AP2A2: variants seen among roughly 807,000 people sequenced by gnomAD.
AP2A2 encodes the protein adaptor related protein complex 2 subunit alpha 2.
In AP2A2, 32 loss-of-function variants were observed where a neutral mutation model predicts 104.2. The observed-to-expected ratio is 0.31, with a 90% CI of 0.23 to 0.41. AP2A2 has a LOEUF of 0.41. AP2A2 is among the 10% of genes least tolerant of loss of function. The pLI, the probability that AP2A2 is intolerant of heterozygous loss-of-function variation, is 1.00. For synonymous variants in AP2A2, 539 were observed against 533.3 expected (o/e 1.01, Z -0.15); for missense variants, 912 against 1,261.0 (o/e 0.72, Z 4.19).
In AP2A2 at chr11:970,311, C is replaced by T. The variant is rs759011265; in HGVS notation, c.279C>T (p.Ile93=). The change falls in exon 3 of 22, where the codon ATC becomes ATT. Residue 93 remains isoleucine (I), a splice_region_variant and synonymous_variant. Coordinates refer to ENST00000448903, the MANE Select transcript of AP2A2 (RefSeq NM_012305.4). The stretch of plus-strand genomic sequence containing the variant: ...CAAACAGATACACGGAAAAGCAGAT[C>T]GTGAGTATCGCTGCAGGTGGAGACG... ...LSSNRYTEKQ[I]GYLFISVLVN... 11 of 1,613,178 alleles carry T rather than the reference C, an allele frequency of 6.8e-6. No individual in the cohort carries two copies. Among genetic ancestry groups the T allele is most frequent in the South Asian group, 6.6e-5 (6 of 90,968 alleles).
intron 10 of AP2A2, among the ~76,000 whole-genome samples, chr11:991,715 G>A (rs1274810743): frequency 7.1e-6 from 1 of 141,020 alleles, no homozygotes; most frequent in Admixed American, 7.2e-5. Flanking sequence ...GGGTGGGGGG[G>A]CACAGTCACC....
rs1308851574 is a variant in AP2A2 at position 985,597 on chromosome 11, T to G, written c.962+15T>G. On this transcript the variant is annotated intron_variant, in intron 8 of 21. Transcript: ENST00000448903. ...CACCATGACAGGTGTGTCGGCTGCCTGTGGAGAGGCTTCGTCTCGCGCACA... is the reference window on the plus strand; with the variant it reads ...CACCATGACAGGTGTGTCGGCTGCCGGTGGAGAGGCTTCGTCTCGCGCACA... 1 of 1,613,842 alleles carries G rather than the reference T, an allele frequency of 6.2e-7. No homozygotes were observed. The highest frequency in any genetic ancestry group is 1.7e-5 in the Admixed American group (1 of 60,018).
At chr11:944,031 A>G (rs191201089) in intron 1 of AP2A2, among the ~76,000 whole-genome samples, 85 of 151,562 alleles carry the variant, frequency 5.6e-4, no homozygotes, top group Non-Finnish European at 1.1e-3. Flanking sequence ...TCCCGACCGG[A>G]GATGCAGGTG....
At position 967,728 on chromosome 11, in the gene AP2A2, C is replaced by T. The variant is rs560119550; in HGVS notation, c.137-2441C>T. Among the ~76,000 whole-genome samples, 3 of 152,140 alleles carry T rather than the reference C, an allele frequency of 2.0e-5. No homozygotes were observed. The South Asian group carries it at 6.2e-4, about 32-fold the overall frequency. On this transcript the variant is annotated intron_variant, in intron 2 of 21. Transcript: ENST00000448903. Reference sequence around the variant, plus strand: ...AGAGGTTAAGGAATACGTCTGAGACCACAAGACAAGCAAGTGGCTGCATCT... The same window carrying T: ...AGAGGTTAAGGAATACGTCTGAGACTACAAGACAAGCAAGTGGCTGCATCT...
chr11:978,005 T>G (rs1855108587), intron 5 of AP2A2, among the ~76,000 whole-genome samples: 1 of 152,168 alleles, frequency 6.6e-6, no homozygotes, highest in East Asian at 1.9e-4. Flanking sequence ...CCGTGGACCG[T>G]GGGAGGTCAT....
chr11:945,813 G>T (rs896366341), intron 1 of AP2A2, among the ~76,000 whole-genome samples: 1 of 152,166 alleles, frequency 6.6e-6, no homozygotes, highest in Non-Finnish European at 1.5e-5. Context: ...AAAAGGAAAA[G>T]AATGGTCATT....
rs1564798908 is a variant in AP2A2, at chr11:968,563, GGGA to G, written c.137-1597_137-1595del. On this transcript the variant is annotated intron_variant, in intron 2 of 21. Coordinates refer to ENST00000448903, the MANE Select transcript of AP2A2 (RefSeq NM_012305.4). This position sits in a 1 kb window ranked among gnomAD's most constrained non-coding sequence, Gnocchi z 4.2. The stretch of plus-strand genomic sequence containing the variant: ...TTTGAGTAACAGGGAAGTCTCCGGA[GGGA>G]GGAGGAGGTCAAGCAGTATTTTTGG... Among the ~76,000 whole-genome samples, 1 of 152,168 alleles carries G rather than the reference GGGA, an allele frequency of 6.6e-6. No homozygotes were observed. The highest frequency in any genetic ancestry group is 1.5e-5 in the Non-Finnish European group (1 of 68,024).
chr11:1,010,138 T>C (rs1047432611), intron 21 of AP2A2: 33 of 472,452 alleles, frequency 7.0e-5, no homozygotes, highest in African/African-American at 5.6e-4. Context: ...AGCCTGGCCC[T>C]GGGCGGTGGC....
chr11:1,005,627 A>G (rs1437725476), intron 16 of AP2A2, among the ~76,000 whole-genome samples: 1 of 152,234 alleles, frequency 6.6e-6, no homozygotes, highest in African/African-American at 2.4e-5. Context: ...GAGCCTCCTC[A>G]GGACTGCTCT....
chr11:956,944 G>A (rs1329377735), intron 1 of AP2A2: 1 of 152,192 alleles, frequency 6.6e-6, no homozygotes, highest in African/African-American at 2.4e-5. Flanking sequence ...GCACCAGCGG[G>A]GTGTCCTCCA....
intron 1 of AP2A2, among the ~76,000 whole-genome samples, chr11:939,923 A>G (rs1318168737): frequency 2.0e-5 from 3 of 148,666 alleles, no homozygotes; most frequent in African/African-American, 5.0e-5. Context: ...TTTTTTTGAA[A>G]GTTAATGATT....
At chr11:951,841 A>G (rs1255499221) in intron 1 of AP2A2, among the ~76,000 whole-genome samples, 2 of 152,106 alleles carry the variant, frequency 1.3e-5, no homozygotes, top group African/African-American at 2.4e-5. Context: ...GGCTTGGTCA[A>G]TTTTGGGCTT....
chr11:974,014 C>A (rs1854925329), intron 4 of AP2A2, among the ~76,000 whole-genome samples: 1 of 152,232 alleles, frequency 6.6e-6, no homozygotes, highest in African/African-American at 2.4e-5. Context: ...GAACCGAGGA[C>A]CTGCTGCAGG....
chr11:938,958 A>C (rs1313863538), intron 1 of AP2A2, among the ~76,000 whole-genome samples: 2 of 152,164 alleles, frequency 1.3e-5, no homozygotes, highest in Non-Finnish European at 2.9e-5. Context: ...AAAAAGTTAA[A>C]GAATGTAGTT....
chr11:930,645 C>T (rs568859708), intron 1 of AP2A2, among the ~76,000 whole-genome samples: 3 of 152,130 alleles, frequency 2.0e-5, no homozygotes, highest in South Asian at 2.1e-4. Flanking sequence ...CTCAGCCTCC[C>T]GAGTAGCTGG....
At chr11:965,916 C>T (rs1854599477) in intron 2 of AP2A2, among the ~76,000 whole-genome samples, 1 of 152,250 alleles carries the variant, frequency 6.6e-6, no homozygotes, top group African/African-American at 2.4e-5. Flanking sequence ...TCCTAACTCA[C>T]TGCAGCCTTG....
intron 1 of AP2A2, among the ~76,000 whole-genome samples, chr11:939,766 A>G (rs1853582130): frequency 6.6e-6 from 1 of 151,764 alleles, no homozygotes; most frequent in Admixed American, 6.6e-5. Context: ...GCCTTACTCT[A>G]GAAGATGAGT....
chr11:964,430 C>T (rs1051921377), intron 2 of AP2A2, among the ~76,000 whole-genome samples: 1 of 152,070 alleles, frequency 6.6e-6, no homozygotes, highest in Non-Finnish European at 1.5e-5. Flanking sequence ...TTGGCATATT[C>T]TGGGGTGGGC....
intron 1 of AP2A2, among the ~76,000 whole-genome samples, chr11:939,951 C>CTTTTTTTT (rs145184268): frequency 1.9e-5 from 2 of 106,042 alleles, no homozygotes; most frequent in African/African-American, 7.4e-5. Context: ...GTTTTGCTTA[C>CTTTTTTTT]TTTTTTTTTT....
Sources: allele counts gnomAD v4.1 joint callset (sites outside exome capture counted in the v4.1 genomes callset), GRCh38; gene constraint gnomAD v4.1.1; non-coding constraint Gnocchi (gnomAD v3.1); transcripts MANE v1.5; gene names NCBI Gene and HGNC (gene_info 2026-07-23, HGNC 2026-07-21).